TSPAN5: variants seen among roughly 807,000 people sequenced by gnomAD.
TSPAN5 encodes tetraspanin 5.
In TSPAN5, 10 loss-of-function variants were observed where a neutral mutation model predicts 37.1. The observed-to-expected ratio is 0.27, with a 90% CI of 0.17 to 0.46. The LOEUF is 0.46. Ranked by LOEUF, TSPAN5 falls within the 20% of genes least tolerant of loss-of-function variation. The pLI is 1.00. For synonymous variants in TSPAN5, 110 were observed against 118.9 expected (o/e 0.93, Z 0.48); for missense variants, 195 against 326.6 (o/e 0.60, Z 3.11).
intron 1 of TSPAN5, among the ~76,000 whole-genome samples, chr4:98,632,511 C>T (rs1311242336): frequency 6.6e-6 from 1 of 152,132 alleles, no homozygotes; most frequent in African/African-American, 2.4e-5. Context: ...TAATAAATTA[C>T]ATGGGGACTT....
At chr4:98,547,013 G>A (rs1199662268) in intron 1 of TSPAN5, among the ~76,000 whole-genome samples, 1 of 152,178 alleles carries the variant, frequency 6.6e-6, no homozygotes, top group African/African-American at 2.4e-5. Context: ...CCAGGCACAC[G>A]GCTGATGTGG....
chr4:98,473,366 G>A (rs975055459), intron 7 of TSPAN5, among the ~76,000 whole-genome samples: 4 of 151,766 alleles, frequency 2.6e-5, no homozygotes, highest in African/African-American at 7.3e-5. Flanking sequence ...TATTCTAACC[G>A]CTTTAACGAG....
chr4:98,612,934 C>T (rs1579030175), intron 1 of TSPAN5, among the ~76,000 whole-genome samples: 2 of 152,184 alleles, frequency 1.3e-5, no homozygotes, highest in Non-Finnish European at 2.9e-5. Flanking sequence ...GTCTCTTACC[C>T]CGTGTTTTAT....
chr4:98,586,320 C>T (rs918947126), intron 1 of TSPAN5, among the ~76,000 whole-genome samples: 4 of 152,222 alleles, frequency 2.6e-5, no homozygotes, highest in Admixed American at 1.3e-4. Context: ...TTTCTACTAA[C>T]GACTGAAGAC....
At chr4:98,591,077 G>GTT (rs550920505) in intron 1 of TSPAN5, among the ~76,000 whole-genome samples, 2 of 138,124 alleles carry the variant, frequency 1.4e-5, no homozygotes, top group Non-Finnish European at 3.2e-5. Flanking sequence ...TTGTTTTTTT[G>GTT]TTTTTTTTTT....
intron 1 of TSPAN5, among the ~76,000 whole-genome samples, chr4:98,529,730 A>G (rs908303447): frequency 6.6e-6 from 1 of 152,236 alleles, no homozygotes; most frequent in Non-Finnish European, 1.5e-5. Flanking sequence ...ACTGCGTCTC[A>G]GAACTTGGGG....
At chr4:98,523,972 T>C (rs977641317) in intron 1 of TSPAN5, among the ~76,000 whole-genome samples, 3 of 152,176 alleles carry the variant, frequency 2.0e-5, no homozygotes, top group Admixed American at 1.3e-4. Flanking sequence ...AGCATTGATA[T>C]GAGGATCAAT....
intron 4 of TSPAN5, among the ~76,000 whole-genome samples, chr4:98,479,326 T>C (rs1752783708): frequency 6.6e-6 from 1 of 152,170 alleles, no homozygotes; most frequent in Non-Finnish European, 1.5e-5. Context: ...ACTATTGCTA[T>C]GGAATAAAAG....
intron 1 of TSPAN5, among the ~76,000 whole-genome samples, chr4:98,621,796 C>G (rs140323879): frequency 2.0e-5 from 3 of 150,988 alleles, no homozygotes; most frequent in African/African-American, 7.3e-5. Context: ...CCACCCCCCC[C>G]GCAGCCCCTG....
intron 1 of TSPAN5, among the ~76,000 whole-genome samples, chr4:98,566,011 T>A (rs1352167832): frequency 6.6e-6 from 1 of 152,184 alleles, no homozygotes; most frequent in African/African-American, 2.4e-5. Flanking sequence ...GGAAAGTTCC[T>A]TAGTTTTAGC....
chr4:98,539,749 T>TC, intron 1 of TSPAN5, among the ~76,000 whole-genome samples: 1 of 152,274 alleles, frequency 6.6e-6, no homozygotes, highest in East Asian at 1.9e-4. Context: ...CTTTGTGTAG[T>TC]CCCCTCCTAT....
intron 1 of TSPAN5, among the ~76,000 whole-genome samples, chr4:98,517,448 A>C (rs1753760233): frequency 6.6e-6 from 1 of 152,098 alleles, no homozygotes; most frequent in Admixed American, 6.6e-5. Flanking sequence ...GGAGGTATCC[A>C]AGCATTTTTG....
chr4:98,474,623 C>T (rs1752655877), intron 7 of TSPAN5, among the ~76,000 whole-genome samples: 1 of 152,130 alleles, frequency 6.6e-6, no homozygotes, highest in African/African-American at 2.4e-5. Flanking sequence ...TCTGGAATTA[C>T]AGGCATGAGC....
chr4:98,651,680 T>G (rs540802329), intron 1 of TSPAN5, among the ~76,000 whole-genome samples: 63 of 152,224 alleles, frequency 4.1e-4, no homozygotes, highest in African/African-American at 1.5e-3. Context: ...AGGATGGAAA[T>G]GATGGGGAGA....
At chr4:98,589,638 G>C (rs570411617) in intron 1 of TSPAN5, among the ~76,000 whole-genome samples, 2 of 152,160 alleles carry the variant, frequency 1.3e-5, no homozygotes, top group African/African-American at 4.8e-5. Context: ...GAACTGGCAC[G>C]CCAGCTACGC....
At chr4:98,615,541 G>A (rs1025454959) in intron 1 of TSPAN5, among the ~76,000 whole-genome samples, 43 of 152,296 alleles carry the variant, frequency 2.8e-4, no homozygotes, top group Non-Finnish European at 1.2e-4. Flanking sequence ...GTTGATGGCC[G>A]GGCGCATGGT....
chr4:98,585,152 G>A (rs781123326), intron 1 of TSPAN5, among the ~76,000 whole-genome samples: 2 of 152,110 alleles, frequency 1.3e-5, no homozygotes, highest in Non-Finnish European at 2.9e-5. Flanking sequence ...ATACATTTAG[G>A]GGGTACAAGT....
intron 1 of TSPAN5, among the ~76,000 whole-genome samples, chr4:98,549,096 T>C (rs907157968): frequency 1.3e-5 from 2 of 152,160 alleles, no homozygotes. Flanking sequence ...CCAACGGTAG[T>C]TCTATTTTTA....
chr4:98,486,833 C>T lies in TSPAN5; in HGVS notation c.184G>A (p.Val62Ile). 1 of 1,614,086 alleles carries T rather than the reference C, an allele frequency of 6.2e-7. No individual in the cohort carries two copies. The highest frequency in any genetic ancestry group is 8.5e-7 in the Non-Finnish European group (1 of 1,180,034). Reference protein sequence around the residue: ...SITDLGGFDPVWLFLVVGGVM... With the variant: ...SITDLGGFDPIWLFLVVGGVM... ...CCTCCCACCACAAGGAAGAGCCAAA[C>T]TGGGTCAAAGCCGCCGAGATCGGTG... The change falls in exon 3 of 8, where the codon GTT (valine) becomes ATT (isoleucine). Residue 62 changes from valine to isoleucine, a missense_variant. Physicochemically the swap from Val to Ile is conservative, Grantham distance 29. Coordinates refer to ENST00000305798, the MANE Select transcript of TSPAN5 (RefSeq NM_005723.4).
Sources: allele counts gnomAD v4.1 joint callset (sites outside exome capture counted in the v4.1 genomes callset), GRCh38; gene constraint gnomAD v4.1.1; transcripts MANE v1.5; gene names NCBI Gene and HGNC (gene_info 2026-07-23, HGNC 2026-07-21).